UBA52: variants seen among roughly 807,000 people sequenced by gnomAD.
UBA52 encodes the protein ubiquitin-ribosomal protein eL40 fusion protein.
A neutral mutation model predicts 15.3 loss-of-function variants in UBA52; 1 was observed. That is an observed-to-expected ratio of 0.07 (90% CI 0.02 to 0.31). UBA52 has a LOEUF of 0.31. Among genes scored for constraint, UBA52 ranks in the 10% least tolerant of loss-of-function variants. The pLI, the probability that UBA52 is intolerant of heterozygous loss-of-function variation, is 1.00. For missense variants in UBA52, 87 were observed against 168.0 expected (o/e 0.52, Z 2.66); for synonymous variants, 50 against 58.3 (o/e 0.86, Z 0.65).
chr19:18,575,192 G>A lies in UBA52; in HGVS notation c.*42G>A, dbSNP rs748861978. The A allele has an allele frequency of 2.0e-5, 33 of 1,611,744 alleles. No individual in the cohort carries two copies. Among genetic ancestry groups the A allele is most frequent in the Middle Eastern group, 1.7e-4 (1 of 5,782 alleles). On this transcript the variant is annotated 3_prime_UTR_variant, in exon 5 of 5. Coordinates refer to ENST00000442744, the MANE Select transcript of UBA52 (RefSeq NM_001033930.3). ...AAGGGCAGCCTCCTGCCCAGGCCCC[G>A]TGGCCCTGGAGCCTCAATAAAGTGT...
At chr19:18,567,080 C>T (rs1306122288), upstream of UBA52, 22 of 1,588,588 alleles carry the variant, frequency 1.4e-5, no homozygotes, top group Non-Finnish European at 1.4e-5. Flanking sequence ...AGCACCAGGC[C>T]CAGCCTACCT....
chr19:18,564,855 C>T, the UBA52 span: 1 of 1,613,212 alleles, frequency 6.2e-7, no homozygotes, highest in Non-Finnish European at 8.5e-7. Context: ...CTCATGCCCT[C>T]TCTCCACCAT....
At chr19:18,573,627 C>G (rs758845041) in intron 2 of UBA52, 35 bp from the exon 3 acceptor site, 1 of 1,606,900 alleles carries the variant, frequency 6.2e-7, no homozygotes, top group Admixed American at 1.7e-5. Context: ...TAATATGGTC[C>G]GCAGAGCCTC....
chr19:18,573,157 G>A, intron 1 of UBA52, 136 bp from the exon 2 acceptor site: 1 of 1,106,678 alleles, frequency 9.0e-7, no homozygotes, highest in Non-Finnish European at 1.3e-6. Context: ...AGGAGTGAAA[G>A]GAAGACAGGT....
At chr19:18,574,164 G>A (rs1975656353) in intron 3 of UBA52, among the ~76,000 whole-genome samples, 1 of 150,468 alleles carries the variant, frequency 6.6e-6, no homozygotes, top group Admixed American at 6.6e-5. Context: ...CGTGCCTGTA[G>A]TCCCAGCTAC....
At chr19:18,567,011 T>C (rs553703241), upstream of UBA52, 3 of 796,710 alleles carry the variant, frequency 3.8e-6, no homozygotes, top group African/African-American at 1.7e-5. Context: ...TGATGAACAG[T>C]GTGGGGGTTC....
chr19:18,575,330 C>A lies in UBA52; in HGVS notation c.*180C>A. 1.5e-6 allele frequency: 1 copy of A among 662,088 alleles called. No individual in the cohort carries two copies. Among genetic ancestry groups the A allele is most frequent in the Non-Finnish European group, 2.6e-6 (1 of 388,830 alleles). 41.0% of individuals were successfully genotyped at this position (662,088 alleles called of 1,614,324 possible). On this transcript the variant is annotated 3_prime_UTR_variant, in exon 5 of 5. Coordinates refer to ENST00000442744, the MANE Select transcript of UBA52 (RefSeq NM_001033930.3). ...CTCTACTCAGCACTCCATTCTGTGC[C>A]ACCTGTGGGGTCTTCTGTCCTAGAT...
chr19:18,568,297 C>T, upstream of UBA52: 1 of 761,680 alleles, frequency 1.3e-6, no homozygotes, highest in Non-Finnish European at 2.2e-6. Flanking sequence ...TCAAGTCATA[C>T]CCCCATGGGG....
chr19:18,577,477 ACT>A lies in UBA52; in HGVS notation c.*2330_*2331del, dbSNP rs1190230436. ...TGCTGCTCACTCTCCTGGTCCGTGG[ACT>A]CTTTTTGAACTGTTAACACTCCCCG... is the stretch of plus-strand genomic sequence containing the variant. On this transcript the variant is annotated 3_prime_UTR_variant, in exon 5 of 5. Transcript: ENST00000442744. 6.6e-6 allele frequency: 1 copy of A among 151,582 alleles called. No individual in the cohort carries two copies. The highest frequency in any genetic ancestry group is 1.5e-5 in the Non-Finnish European group (1 of 67,926). 9.4% of individuals were successfully genotyped at this position (151,582 alleles called of 1,614,324 possible). A position where few individuals can be genotyped will look rare whatever the true frequency, so the allele number is the denominator to read the frequency against.
the UBA52 span, among the ~76,000 whole-genome samples, chr19:18,564,345 G>C: frequency 6.6e-6 from 1 of 152,090 alleles, no homozygotes; most frequent in Non-Finnish European, 1.5e-5. Context: ...GATTGGGCCA[G>C]GCACGATGGC....
chr19:18,575,562 C>A lies in UBA52; in HGVS notation c.*412C>A, dbSNP rs544598265. The A allele has an allele frequency of 3.0e-5, 7 of 235,428 alleles. No homozygotes were observed. In the South Asian group the frequency reaches 4.1e-4, roughly 14 times the overall value. The allele number at this position is 235,428 out of a possible 1,614,324, so 14.6% of individuals were successfully genotyped here. On this transcript the variant is annotated 3_prime_UTR_variant, in exon 5 of 5. Transcript: ENST00000442744. ...GTGGAGATGGGTAGAAAATTAGGTA[C>A]ACCCAATGGTGTAGAACGTTGATTC...
chr19:18,575,334 T>TG lies in UBA52; in HGVS notation c.*185dup. ...ACTCAGCACTCCATTCTGTGCCACC[T>TG]GTGGGGTCTTCTGTCCTAGATTCTG... On this transcript the variant is annotated 3_prime_UTR_variant, in exon 5 of 5. Coordinates refer to ENST00000442744, the MANE Select transcript of UBA52 (RefSeq NM_001033930.3). 1 of 645,298 alleles carries TG rather than the reference T, an allele frequency of 1.5e-6. No homozygotes were observed. Among genetic ancestry groups the TG allele is most frequent in the South Asian group, 1.9e-5 (1 of 52,596 alleles). The allele number at this position is 645,298 out of a possible 1,614,324, so 40.0% of individuals were successfully genotyped here. A position where few individuals can be genotyped will look rare whatever the true frequency, so the allele number is the denominator to read the frequency against.
chr19:18,567,742 A>G (rs1975322193), upstream of UBA52, among the ~76,000 whole-genome samples: 1 of 152,186 alleles, frequency 6.6e-6, no homozygotes, highest in African/African-American at 2.4e-5. Flanking sequence ...GGTTCACACC[A>G]TCTGTTGAAA....
upstream of UBA52, chr19:18,568,694 C>T: frequency 7.7e-6 from 10 of 1,302,260 alleles, no homozygotes; most frequent in Non-Finnish European, 9.7e-6. Flanking sequence ...CAGCGGGTAA[C>T]CCTGCCTTGT....
chr19:18,570,206 T>G (rs1975431312), upstream of UBA52, among the ~76,000 whole-genome samples: 1 of 150,728 alleles, frequency 6.6e-6, no homozygotes, highest in Admixed American at 6.6e-5. Flanking sequence ...CACTTTTTTT[T>G]TTTGTTTTGT....
chr19:18,568,611 G>A (rs576285090), upstream of UBA52: 33 of 1,611,510 alleles, frequency 2.0e-5, no homozygotes, highest in East Asian at 2.5e-4. Context: ...GACAGATGAC[G>A]AGGAGATGAC....
At chr19:18,572,898 CT>C in intron 1 of UBA52, 4 of 1,083,080 alleles carry the variant, frequency 3.7e-6, no homozygotes, top group Non-Finnish European at 4.5e-6. Context: ...CAGGACCTGG[CT>C]GCCGTGGAAG....
chr19:18,566,717 C>T, the UBA52 span, among the ~76,000 whole-genome samples: 2 of 151,456 alleles, frequency 1.3e-5, no homozygotes, highest in African/African-American at 2.4e-5. Context: ...CATGTGAATC[C>T]GGAAGGTGGA....
At chr19:18,566,725 G>A in the UBA52 span, among the ~76,000 whole-genome samples, 2 of 151,978 alleles carry the variant, frequency 1.3e-5, no homozygotes, top group South Asian at 2.1e-4. Flanking sequence ...TCCGGAAGGT[G>A]GAGGTTGCAG....
Sources: allele counts gnomAD v4.1 joint callset (sites outside exome capture counted in the v4.1 genomes callset), GRCh38; gene constraint gnomAD v4.1.1; transcripts MANE v1.5; gene names NCBI Gene and HGNC (gene_info 2026-07-23, HGNC 2026-07-21).